Variants in MEGF10 observed in about 807,000 individuals in gnomAD.
MEGF10 encodes multiple epidermal growth factor-like domains protein 10.
A neutral mutation model predicts 147.5 loss-of-function variants in MEGF10; 86 were observed. That is an observed-to-expected ratio of 0.58 (90% confidence interval 0.49 to 0.70). The LOEUF is 0.70. MEGF10 is among the 30% of genes least tolerant of loss of function. MEGF10 has a pLI of 0.00. For synonymous variants in MEGF10, 478 were observed against 525.5 expected, an observed-to-expected ratio of 0.91 and a Z score of 1.24; for missense variants, 1,329 against 1,487.3, an observed-to-expected ratio of 0.89 and a Z score of 1.75.
At chr5:127,307,426 A>T (rs1269839599) in intron 1 of MEGF10, among the ~76,000 whole-genome samples, 1 of 152,168 alleles carries the variant, frequency 6.6e-6, no homozygotes, top group Non-Finnish European at 1.5e-5. Flanking sequence ...CCTGGGCTAG[A>T]TGTTTTGCCT....
chr5:127,261,093 A>C, the MEGF10 span, among the ~76,000 whole-genome samples: 1 of 152,232 alleles, frequency 6.6e-6, no homozygotes, highest in Non-Finnish European at 1.5e-5. Context: ...ATTTATTGAG[A>C]TATAGTTTAT....
intron 4 of MEGF10, among the ~76,000 whole-genome samples, chr5:127,367,443 C>A (rs1762697267): frequency 6.6e-6 from 1 of 151,930 alleles, no homozygotes; most frequent in Admixed American, 6.6e-5. Context: ...CATAGATGCC[C>A]AAGATATAAA....
chr5:127,430,131 C>T (rs1339939654), intron 13 of MEGF10, among the ~76,000 whole-genome samples: 1 of 152,160 alleles, frequency 6.6e-6, no homozygotes, highest in African/African-American at 2.4e-5. Context: ...TGATCATGAT[C>T]CCCAGGCAGA....
intron 8 of MEGF10, among the ~76,000 whole-genome samples, chr5:127,408,789 C>T (rs914423927): frequency 3.3e-5 from 5 of 152,132 alleles, no homozygotes; most frequent in South Asian, 2.1e-4. Context: ...AGAAAAGCAT[C>T]GAAAGGGCTG....
At chr5:127,265,764 G>T in the MEGF10 span, among the ~76,000 whole-genome samples, 4 of 152,084 alleles carry the variant, frequency 2.6e-5, no homozygotes, top group African/African-American at 4.8e-5. Flanking sequence ...TGTTGATGGG[G>T]TTGTTTGTTT....
At chr5:127,265,334 G>A in the MEGF10 span, among the ~76,000 whole-genome samples, 13 of 152,120 alleles carry the variant, frequency 8.5e-5, no homozygotes, top group Non-Finnish European at 1.9e-4. Context: ...GGACATTTTG[G>A]TTGGTTCCAA....
At chr5:127,342,257 C>T (rs1001271879) in intron 4 of MEGF10, among the ~76,000 whole-genome samples, 1 of 152,124 alleles carries the variant, frequency 6.6e-6, no homozygotes, top group African/African-American at 2.4e-5. Flanking sequence ...GGCCTGGCCA[C>T]TCAGGCTGGC....
chr5:127,287,508 C>T (rs1313211998), upstream of MEGF10, among the ~76,000 whole-genome samples: 1 of 151,764 alleles, frequency 6.6e-6, no homozygotes, highest in African/African-American at 2.4e-5. Flanking sequence ...AAATAAAATA[C>T]TTAGGGATTC....
chr5:127,379,552 C>T (rs183754234), intron 5 of MEGF10, among the ~76,000 whole-genome samples: 2 of 151,042 alleles, frequency 1.3e-5, no homozygotes, highest in East Asian at 1.9e-4. Flanking sequence ...TTCCTCTGCT[C>T]AGAATAATAC....
intron 16 of MEGF10, among the ~76,000 whole-genome samples, chr5:127,438,081 G>A (rs774216798): frequency 1.7e-4 from 26 of 152,302 alleles, no homozygotes; most frequent in Non-Finnish European, 2.9e-4. Context: ...CCAGAGGATG[G>A]TTTGGACTTT....
the MEGF10 span, among the ~76,000 whole-genome samples, chr5:127,233,609 T>G: frequency 0.51 from 78,112 of 152,110 alleles, 20,700 homozygotes; most frequent in Middle Eastern, 0.67. Flanking sequence ...AGAAGGCACT[T>G]AAGGTTAATG....
chr5:127,426,994 T>A (rs1245486336), intron 13 of MEGF10, among the ~76,000 whole-genome samples: 1 of 152,212 alleles, frequency 6.6e-6, no homozygotes, highest in Non-Finnish European at 1.5e-5. Context: ...GGAGGAAGAT[T>A]ATGGAGCCTC....
rs573042455 is a variant in MEGF10, at chr5:127,414,700, A to G, written c.1131-2938A>G. 6.6e-5 allele frequency among the ~76,000 whole-genome samples: 10 copies of G among 152,298 alleles called. No homozygotes were observed. The East Asian group carries it at 1.9e-3, about 29-fold the overall frequency. On this transcript the variant is annotated intron_variant, in intron 9 of 24. Coordinates refer to ENST00000503335, the MANE Select transcript of MEGF10 (RefSeq NM_001256545.2). Reference sequence around the variant, plus strand: ...CCTGGAGTCACATCCGCTGTGTATCACCTGTGGCATTTTCACTTATTCATT... The same window carrying G: ...CCTGGAGTCACATCCGCTGTGTATCGCCTGTGGCATTTTCACTTATTCATT...
rs952908369 is a variant in MEGF10 at position 127,345,041 on chromosome 5, T to C, written c.319+4411T>C. 5.3e-5 allele frequency among the ~76,000 whole-genome samples: 8 copies of C among 152,188 alleles called. 1 individual carries two copies. In the South Asian group the frequency reaches 1.7e-3, roughly 32 times the overall value. ...AGATTTTAAGTTTCATATTAATACATTGAGGGCCAGAGCGTCCTGGAGTTA... is the reference window on the plus strand; with the variant it reads ...AGATTTTAAGTTTCATATTAATACACTGAGGGCCAGAGCGTCCTGGAGTTA... On this transcript the variant is annotated intron_variant, in intron 4 of 24. Coordinates refer to ENST00000503335, the MANE Select transcript of MEGF10 (RefSeq NM_001256545.2).
the MEGF10 span, among the ~76,000 whole-genome samples, chr5:127,237,883 A>G: frequency 6.6e-6 from 1 of 152,078 alleles, no homozygotes; most frequent in South Asian, 2.1e-4. Flanking sequence ...TCTACTGAAT[A>G]TTTGGGAAAT....
chr5:127,263,188 G>C, the MEGF10 span, among the ~76,000 whole-genome samples: 1 of 151,872 alleles, frequency 6.6e-6, no homozygotes, highest in African/African-American at 2.4e-5. Context: ...GATTATTTTA[G>C]ACTGAATATT....
At position 127,445,521 on chromosome 5, in the gene MEGF10, T is replaced by A; in HGVS notation, c.2556T>A (p.Asp852Glu). Residue 852 changes from aspartate to glutamate, a missense_variant, in exon 20 of 25, where the codon GAT (aspartate) becomes GAA (glutamate). Physicochemically the swap from Asp to Glu is conservative, Grantham distance 45. Transcript: ENST00000503335. Reference sequence around the variant, plus strand: ...GAACCAGTACTGCTCTCCCTGCTGATTCCTACCAGATCGGGGCCATTGCAG... The same window carrying A: ...GAACCAGTACTGCTCTCCCTGCTGAATCCTACCAGATCGGGGCCATTGCAG... ...LSRTSTALPA[D>E]SYQIGAIAGI... 2 of 1,614,188 alleles carry A rather than the reference T, an allele frequency of 1.2e-6. No homozygotes were observed. Among genetic ancestry groups the A allele is most frequent in the Non-Finnish European group, 1.7e-6 (2 of 1,180,024 alleles).
chr5:127,435,558 AG>A (rs1399241675), intron 16 of MEGF10, 69 bp downstream of exon 16: 30 of 1,430,270 alleles, frequency 2.1e-5, no homozygotes, highest in Non-Finnish European at 2.7e-5. Context: ...TTAGGATTGA[AG>A]TATGAGTGTT....
intron 8 of MEGF10, 92 bp from the exon 9 acceptor site, chr5:127,410,297 A>G: frequency 8.2e-7 from 1 of 1,223,626 alleles, no homozygotes; most frequent in Admixed American, 2.0e-5. Flanking sequence ...AGCAGCTTCG[A>G]TTTATGCATA....
Sources: gnomAD v4.1 joint callset for allele counts (sites outside exome capture counted in the v4.1 genomes callset) on GRCh38, gnomAD v4.1.1 for gene constraint, MANE v1.5 for transcripts, NCBI Gene and HGNC (gene_info 2026-07-23, HGNC 2026-07-21) for gene names.